Variants in CADPS2 observed in about 807,000 individuals in gnomAD.
CADPS2 encodes calcium dependent secretion activator 2.
Under a neutral mutation model 172.5 loss-of-function variants are expected in CADPS2, and 93 were observed. That is an observed-to-expected ratio of 0.54 (90% confidence interval 0.46 to 0.64). The LOEUF is 0.64. Ranked by LOEUF, CADPS2 falls within the 30% of genes least tolerant of loss-of-function variation. The probability of loss-of-function intolerance (pLI) is 0.00; values close to 1 mark genes in which losing one functional copy is unlikely to be tolerated. For synonymous variants in CADPS2, 546 were observed against 555.2 expected, an observed-to-expected ratio of 0.98 and a Z score of 0.23; for missense variants, 1,420 against 1,565.9, an observed-to-expected ratio of 0.91 and a Z score of 1.57.
At chr7:122,730,378 T>TA (rs200660901) in intron 2 of CADPS2, among the ~76,000 whole-genome samples, 348 of 151,902 alleles carry the variant, frequency 2.3e-3, no homozygotes, top group African/African-American at 7.7e-3. Context: ...GGCAATTTAA[T>TA]AATCTGTATA....
At chr7:122,827,422 T>TGAGGTG (rs1805233259) in intron 1 of CADPS2, among the ~76,000 whole-genome samples, 1 of 151,410 alleles carries the variant, frequency 6.6e-6, no homozygotes, top group Non-Finnish European at 1.5e-5. Context: ...TTTGGGAGGT[T>TGAGGTG]GGGAGTTTGC....
At chr7:122,408,253 G>A (rs1041546374) in intron 19 of CADPS2, among the ~76,000 whole-genome samples, 3 of 151,280 alleles carry the variant, frequency 2.0e-5, no homozygotes, top group Non-Finnish European at 4.4e-5. Context: ...TGATAGCGTA[G>A]TAAATATTTT....
chr7:122,508,469 T>C (rs2059788242), intron 9 of CADPS2, among the ~76,000 whole-genome samples: 1 of 133,108 alleles, frequency 7.5e-6, no homozygotes, highest in African/African-American at 3.0e-5. Flanking sequence ...TTTTTTTTTT[T>C]TTTTTTTTTT....
chr7:122,541,047 T>C (rs148102420), intron 8 of CADPS2, among the ~76,000 whole-genome samples: 176 of 152,142 alleles, frequency 1.2e-3, no homozygotes, highest in Non-Finnish European at 1.8e-3. Context: ...TTACTGTAAA[T>C]TGAGTATGTT....
chr7:122,576,239 CA>C (rs936437072), intron 7 of CADPS2, among the ~76,000 whole-genome samples: 3 of 152,274 alleles, frequency 2.0e-5, no homozygotes, highest in Non-Finnish European at 4.4e-5. Context: ...AAGAATACCA[CA>C]GGGGCAAAGT....
intron 6 of CADPS2, among the ~76,000 whole-genome samples, chr7:122,603,906 T>A (rs1317673566): frequency 1.3e-5 from 2 of 152,160 alleles, no homozygotes; most frequent in Admixed American, 1.3e-4. Flanking sequence ...GGAAATGAGA[T>A]GTTGATCAAA....
Position 122,627,427 on chromosome 7 carries a change from G to A in CADPS2, c.867+1821C>T, listed in dbSNP as rs565563057. Among the ~76,000 whole-genome samples the A allele has an allele frequency of 8.5e-5, 13 of 152,244 alleles. No individual in the cohort carries two copies. The South Asian group carries it at 2.1e-3, about 24-fold the overall frequency. Reference sequence around the variant, plus strand: ...TATCCTATTTTTAGAGGTATATTTTGCTTTCCAACCCCATCAGCTTTACTT... The same window carrying A: ...TATCCTATTTTTAGAGGTATATTTTACTTTCCAACCCCATCAGCTTTACTT... On this transcript the variant is annotated intron_variant, in intron 4 of 29. Transcript: ENST00000449022.
intron 6 of CADPS2, among the ~76,000 whole-genome samples, chr7:122,590,873 T>G (rs2070687306): frequency 6.6e-6 from 1 of 151,958 alleles, no homozygotes; most frequent in African/African-American, 2.4e-5. Flanking sequence ...AATAGTTAAT[T>G]TATACAGCAA....
At chr7:122,698,286 A>G (rs746672818) in intron 2 of CADPS2, 55 of 1,613,942 alleles carry the variant, frequency 3.4e-5, no homozygotes, top group Admixed American at 8.3e-5. Flanking sequence ...AACAAAGTCT[A>G]TGAATGTGAT....
intron 8 of CADPS2, among the ~76,000 whole-genome samples, chr7:122,537,881 G>A (rs2062471310): frequency 1.3e-5 from 2 of 151,420 alleles, no homozygotes; most frequent in African/African-American, 2.4e-5. Context: ...TTTAAAAAAG[G>A]ATAAAAACGC....
intron 9 of CADPS2, among the ~76,000 whole-genome samples, chr7:122,508,890 C>A (rs1586732172): frequency 1.3e-5 from 2 of 151,998 alleles, no homozygotes; most frequent in Admixed American, 1.3e-4. Context: ...GTTGAAGGGG[C>A]CTTTCATTTT....
chr7:122,739,692 T>C (rs2092369533), intron 1 of CADPS2, among the ~76,000 whole-genome samples: 1 of 152,146 alleles, frequency 6.6e-6, no homozygotes, highest in Admixed American at 6.5e-5. Context: ...AATAAATGAA[T>C]ACTTTATTAG....
intron 1 of CADPS2, among the ~76,000 whole-genome samples, chr7:122,779,360 G>T (rs890811871): frequency 4.6e-5 from 7 of 152,142 alleles, no homozygotes; most frequent in African/African-American, 1.4e-4. Flanking sequence ...GGTGCAAAGA[G>T]TGGAAGCTAG....
intron 9 of CADPS2, among the ~76,000 whole-genome samples, chr7:122,499,473 A>G (rs1285164994): frequency 6.6e-6 from 1 of 152,214 alleles, no homozygotes; most frequent in Admixed American, 6.5e-5. Flanking sequence ...GTATTTAAAA[A>G]CATGGGCACT....
At chr7:122,814,706 C>G (rs1800875528) in intron 1 of CADPS2, among the ~76,000 whole-genome samples, 2 of 151,944 alleles carry the variant, frequency 1.3e-5, no homozygotes, top group African/African-American at 2.4e-5. Flanking sequence ...ACCATGTGGC[C>G]CTTTACAAAA....
chr7:122,827,471 AAAAAT>A (rs1321449517), intron 1 of CADPS2, among the ~76,000 whole-genome samples: 2 of 152,004 alleles, frequency 1.3e-5, no homozygotes, highest in African/African-American at 4.8e-5. Context: ...TGTCTCTACT[AAAAAT>A]AAAAAATTAG....
chr7:122,615,690 A>G (rs2074822023), intron 5 of CADPS2, among the ~76,000 whole-genome samples: 1 of 152,112 alleles, frequency 6.6e-6, no homozygotes, highest in South Asian at 2.1e-4. Context: ...TAAGTACCAT[A>G]TAAAATAATA....
chr7:122,392,216 G>A (rs2044457516), intron 22 of CADPS2, among the ~76,000 whole-genome samples: 1 of 152,006 alleles, frequency 6.6e-6, no homozygotes, highest in Non-Finnish European at 1.5e-5. Flanking sequence ...TGATTGCTGT[G>A]AGGCTCATAG....
intron 9 of CADPS2, among the ~76,000 whole-genome samples, chr7:122,497,229 A>AAAGCCC (rs2058809768): frequency 6.6e-6 from 1 of 152,136 alleles, no homozygotes; most frequent in East Asian, 1.9e-4. Flanking sequence ...TTAGATCTCT[A>AAAGCCC]TGAACAACAA....
Sources: allele counts gnomAD v4.1 joint callset (sites outside exome capture counted in the v4.1 genomes callset), GRCh38; gene constraint gnomAD v4.1.1; transcripts MANE v1.5; gene names NCBI Gene and HGNC (gene_info 2026-07-23, HGNC 2026-07-21).